Variants in KDSR observed in about 807,000 individuals in gnomAD.
The protein encoded by KDSR is 3-dehydrosphinganine reductase.
A neutral mutation model predicts 41.3 loss-of-function variants in KDSR; 23 were observed. That is an observed-to-expected ratio of 0.56 (90% CI 0.40 to 0.79). KDSR has a LOEUF of 0.79. Ranked by LOEUF, KDSR falls within the 30% of genes least tolerant of loss-of-function variation. KDSR has a pLI of 0.00. For missense variants in KDSR, 351 were observed against 416.8 expected (o/e 0.84, Z 1.37); for synonymous variants, 138 against 151.7 (o/e 0.91, Z 0.66).
At chr18:63,343,537 T>C (rs934083523) in intron 7 of KDSR, among the ~76,000 whole-genome samples, 2 of 151,754 alleles carry the variant, frequency 1.3e-5, no homozygotes, top group Non-Finnish European at 2.9e-5. Flanking sequence ...TACAAGCATG[T>C]GCCACCATGC....
At position 63,328,819 on chromosome 18, in the gene KDSR, T is replaced by G. The variant is rs1227052845; in HGVS notation, c.*2963A>C. 1.1e-5 allele frequency: 2 copies of G among 185,744 alleles called. No homozygotes were observed. The highest frequency in any genetic ancestry group is 1.8e-4 in the East Asian group (2 of 11,428). 11.5% of individuals were successfully genotyped at this position (185,744 alleles called of 1,614,324 possible). A position where few individuals can be genotyped will look rare whatever the true frequency, so the allele number is the denominator to read the frequency against. The stretch of plus-strand genomic sequence containing the variant: ...CTCAATGTTAATTTTTTAATATACT[T>G]GCAAATACATTATAATAAAATAATA... On this transcript the variant is annotated 3_prime_UTR_variant, in exon 10 of 10. Transcript: ENST00000645214.
intron 9 of KDSR, 116 bp downstream of exon 9, chr18:63,335,141 C>T: frequency 1.6e-6 from 1 of 633,918 alleles, no homozygotes; most frequent in Non-Finnish European, 2.8e-6. Context: ...CATAAAAATA[C>T]ATTGTCAAAT....
chr18:63,342,345 G>A (rs1914366665), intron 7 of KDSR, among the ~76,000 whole-genome samples: 1 of 152,130 alleles, frequency 6.6e-6, no homozygotes, highest in Admixed American at 6.6e-5. Flanking sequence ...GTCAAAGGGA[G>A]GGGAGAAGGG....
intron 2 of KDSR, among the ~76,000 whole-genome samples, chr18:63,361,824 G>GA (rs1395441150): frequency 1.3e-5 from 2 of 151,896 alleles, no homozygotes; most frequent in Non-Finnish European, 2.9e-5. Flanking sequence ...CAAGAAAAAA[G>GA]AAAAAAATAA....
intron 6 of KDSR, chr18:63,346,564 G>T (rs149226365): frequency 6.6e-6 from 1 of 152,134 alleles, no homozygotes; most frequent in Non-Finnish European, 1.5e-5. Context: ...TCAAGGTTAC[G>T]GCTGCATTGC....
At chr18:63,364,634 G>A (rs1482804176) in intron 1 of KDSR, among the ~76,000 whole-genome samples, 1 of 151,954 alleles carries the variant, frequency 6.6e-6, no homozygotes, top group Non-Finnish European at 1.5e-5. Context: ...AGTAGAGATG[G>A]GGTTTCACCA....
intron 7 of KDSR, among the ~76,000 whole-genome samples, chr18:63,339,907 C>A (rs186213319): frequency 6.6e-6 from 1 of 152,012 alleles, no homozygotes; most frequent in East Asian, 1.9e-4. Flanking sequence ...AAATAAAAAC[C>A]AGATTATATT....
chr18:63,343,675 C>T (rs1914413178), intron 7 of KDSR, among the ~76,000 whole-genome samples: 1 of 151,570 alleles, frequency 6.6e-6, no homozygotes, highest in Non-Finnish European at 1.5e-5. Flanking sequence ...AGGCATGAGC[C>T]ACACTGTGCC....
chr18:63,366,963 G>A, intron 1 of KDSR, 48 bp downstream of exon 1: 2 of 1,096,376 alleles, frequency 1.8e-6, no homozygotes, highest in Middle Eastern at 2.2e-4. Context: ...GCGGCGGAAA[G>A]GCCGCGCGGG....
intron 6 of KDSR, among the ~76,000 whole-genome samples, chr18:63,349,450 A>C (rs1914602108): frequency 6.6e-6 from 1 of 152,258 alleles, no homozygotes. Context: ...AAAGTTAAAA[A>C]CTTCAAAAGA....
intron 8 of KDSR, among the ~76,000 whole-genome samples, chr18:63,338,583 T>G (rs1480378545): frequency 6.6e-6 from 1 of 152,210 alleles, no homozygotes; most frequent in Non-Finnish European, 1.5e-5. Context: ...GTTCCTCAGA[T>G]TAAGGTATAC....
At chr18:63,332,640 G>C (rs1422495975) in intron 9 of KDSR, among the ~76,000 whole-genome samples, 1 of 152,078 alleles carries the variant, frequency 6.6e-6, no homozygotes, top group East Asian at 1.9e-4. Context: ...GACCATCCTG[G>C]CTAACACGGT....
chr18:63,361,550 C>T (rs1308033851), intron 2 of KDSR, among the ~76,000 whole-genome samples: 6 of 152,106 alleles, frequency 3.9e-5, no homozygotes, highest in African/African-American at 1.4e-4. Context: ...GGTGTGGTGG[C>T]TCACACCTGT....
intron 9 of KDSR, among the ~76,000 whole-genome samples, chr18:63,333,685 C>G (rs1166126868): frequency 6.6e-6 from 1 of 152,160 alleles, no homozygotes; most frequent in African/African-American, 2.4e-5. Context: ...TTATATAAAA[C>G]CTAATTTTAA....
Position 63,362,772 on chromosome 18 carries a change from G to A in KDSR, c.198+7C>T, listed in dbSNP as rs1429022691. 6.3e-7 allele frequency: 1 copy of A among 1,592,634 alleles called. No individual in the cohort carries two copies. The highest frequency in any genetic ancestry group is 8.6e-7 in the Non-Finnish European group (1 of 1,161,016). ...CAAGTCAGTAATAATGAACCTAGAA[G>A]CCTTACCTCATTTCGTGCAACCAGA... On this transcript the variant is annotated splice_region_variant and intron_variant, in intron 2 of 9. Transcript: ENST00000645214.
intron 8 of KDSR, among the ~76,000 whole-genome samples, chr18:63,337,992 C>T (rs907422365): frequency 6.6e-6 from 1 of 152,174 alleles, no homozygotes. Flanking sequence ...TGCTTTGACC[C>T]GAGATAAGCA....
At chr18:63,334,479 T>C (rs1344845506) in intron 9 of KDSR, among the ~76,000 whole-genome samples, 1 of 151,904 alleles carries the variant, frequency 6.6e-6, no homozygotes, top group Non-Finnish European at 1.5e-5. Context: ...ACCTCCCGAG[T>C]AGCTGGGATT....
At chr18:63,337,782 G>T (rs141151244) in intron 8 of KDSR, among the ~76,000 whole-genome samples, 1 of 152,076 alleles carries the variant, frequency 6.6e-6, no homozygotes, top group Non-Finnish European at 1.5e-5. Flanking sequence ...CAAAAAATTA[G>T]CCAGGTGTGG....
chr18:63,356,394 G>T lies in KDSR; in HGVS notation c.256-831C>A, dbSNP rs564447381. 2.0e-5 allele frequency among the ~76,000 whole-genome samples: 3 copies of T among 147,898 alleles called. No individual in the cohort carries two copies. In the South Asian group the frequency reaches 6.4e-4, roughly 31 times the overall value. On this transcript the variant is annotated intron_variant, in intron 3 of 9. Coordinates refer to ENST00000645214, the MANE Select transcript of KDSR (RefSeq NM_002035.4). Reference sequence around the variant, plus strand: ...AGCGTGGGCAACAGAGTGAGACTCCGTCTCAAAAAAAAAAAAAGGCAGTAG... The same window carrying T: ...AGCGTGGGCAACAGAGTGAGACTCCTTCTCAAAAAAAAAAAAAGGCAGTAG...
Sources: allele counts gnomAD v4.1 joint callset (sites outside exome capture counted in the v4.1 genomes callset), GRCh38; gene constraint gnomAD v4.1.1; transcripts MANE v1.5; gene names NCBI Gene and HGNC (gene_info 2026-07-23, HGNC 2026-07-21).